SCP2: variants seen among roughly 807,000 people sequenced by gnomAD.
SCP2 encodes the protein SCP-2/3-oxoacyl-CoA thiolase.
In SCP2, 48 loss-of-function variants were observed where a neutral mutation model predicts 71.4. The ratio of observed to expected loss-of-function variants is 0.67; its 90% confidence interval spans 0.53 to 0.86. SCP2 has a LOEUF of 0.86. Among genes scored for constraint, SCP2 ranks in the 40% least tolerant of loss-of-function variants. The probability of loss-of-function intolerance (pLI) is 0.00; values close to 1 mark genes in which losing one functional copy is unlikely to be tolerated. For synonymous variants in SCP2, 220 were observed against 218.1 expected, an observed-to-expected ratio of 1.01 and a Z score of -0.08; for missense variants, 560 against 655.6, an observed-to-expected ratio of 0.85 and a Z score of 1.59.
intron 11 of SCP2, among the ~76,000 whole-genome samples, chr1:53,001,196 T>C (rs182527250): frequency 8.5e-5 from 13 of 152,152 alleles, no homozygotes; most frequent in Non-Finnish European, 1.8e-4. Context: ...ACACAAATAC[T>C]TATATATTTA....
rs1402600510 is a variant in SCP2 at position 53,014,921 on chromosome 1, G to C, written c.1113G>C (p.Gln371His). ...CTCAGTGTGCAGAACTCTGCTGGCA[G>C]CTGAGAGGGGAAGCCGGAAAGAGGC... is the stretch of plus-strand genomic sequence containing the variant. ...GLAQCAELCWQLRGEAGKRQV... is the reference protein window; with the variant it reads ...GLAQCAELCWHLRGEAGKRQV... Residue 371 changes from glutamine to histidine, a missense_variant, in exon 12 of 16, where the codon CAG becomes CAC. This residue lies in a region of SCP2 where 513 missense variants were observed against 573.1 expected (regional missense o/e 0.90). Coordinates refer to ENST00000371514, the MANE Select transcript of SCP2 (RefSeq NM_002979.5). The C allele has an allele frequency of 2.5e-6, 4 of 1,613,482 alleles. No individual in the cohort carries two copies. The highest frequency in any genetic ancestry group is 3.4e-6 in the Non-Finnish European group (4 of 1,179,938).
intron 2 of SCP2, 90 bp from the exon 3 acceptor site, chr1:52,947,919 G>A (rs1260924068): frequency 9.4e-6 from 8 of 847,660 alleles, no homozygotes; most frequent in Non-Finnish European, 1.6e-5. Flanking sequence ...TATAGAGGTA[G>A]TTTACTTTGA....
At chr1:53,010,873 C>T (rs181197337) in intron 11 of SCP2, among the ~76,000 whole-genome samples, 1 of 152,264 alleles carries the variant, frequency 6.6e-6, no homozygotes, top group South Asian at 2.1e-4. Context: ...CTAACTCCAC[C>T]ATCTCTCCCA....
In SCP2 at chr1:52,927,445, G is replaced by A; in HGVS notation, c.49G>A (p.Val17Met). Residue 17 changes from valine (V) to methionine (M), a missense_variant, in exon 1 of 16, where the codon GTG becomes ATG. This residue lies in a region of SCP2 where 513 missense variants were observed against 573.1 expected (regional missense o/e 0.90). Transcript: ENST00000371514. ...EPATLRRVFV[V>M]GVGMTKFVKP... is the part of the protein sequence containing the mutation. ...TGCGACCCTGCGCCGGGTGTTCGTG[G>A]TGGGGGTTGGCATGACCAAGGTAAA... is the stretch of plus-strand genomic sequence containing the variant. 1 of 1,602,336 alleles carries A rather than the reference G, an allele frequency of 6.2e-7. No individual in the cohort carries two copies. Among genetic ancestry groups the A allele is most frequent in the African/African-American group, 1.3e-5 (1 of 74,966 alleles).
intron 12 of SCP2, among the ~76,000 whole-genome samples, chr1:53,020,768 T>A (rs890251736): frequency 6.6e-6 from 1 of 152,182 alleles, no homozygotes; most frequent in African/African-American, 2.4e-5. Flanking sequence ...GTTTCTTTGT[T>A]TGTCTTCCAA....
rs1321534449 is a variant in SCP2, at chr1:52,927,355, AGTC to A, written c.-38_-36del. The A allele has an allele frequency of 6.6e-7, 1 of 1,507,206 alleles. No individual in the cohort carries two copies. Among genetic ancestry groups the A allele is most frequent in the Non-Finnish European group, 9.0e-7 (1 of 1,106,822 alleles). The allele number at this position is 1,507,206 out of a possible 1,614,324, so 93.4% of individuals were successfully genotyped here. ...GCAGTCTCCGCCTGTCAGTGCCGGC[AGTC>A]GTCCGCGGCGCCCGCCCCGGTCCCG... On this transcript the variant is annotated 5_prime_UTR_variant, in exon 1 of 16. Coordinates refer to ENST00000371514, the MANE Select transcript of SCP2 (RefSeq NM_002979.5).
intron 5 of SCP2, among the ~76,000 whole-genome samples, chr1:52,956,296 C>A (rs1282776063): frequency 1.3e-5 from 2 of 151,926 alleles, no homozygotes; most frequent in African/African-American, 4.8e-5. Context: ...GAGTGAGACT[C>A]CGTTTCAAAA....
chr1:52,980,722 G>A (rs1033441923), intron 10 of SCP2, among the ~76,000 whole-genome samples, 179 bp downstream of exon 10: 5 of 152,218 alleles, frequency 3.3e-5, no homozygotes. Context: ...GTATTAGGCA[G>A]TACCAACACT....
chr1:53,002,715 G>A (rs1007756885), intron 11 of SCP2, among the ~76,000 whole-genome samples: 43 of 152,272 alleles, frequency 2.8e-4, no homozygotes, highest in African/African-American at 1.0e-3. Context: ...CTAATGACAC[G>A]TATATTATTA....
intron 13 of SCP2, among the ~76,000 whole-genome samples, chr1:53,033,986 G>A (rs1662740539): frequency 6.6e-6 from 1 of 152,088 alleles, no homozygotes; most frequent in African/African-American, 2.4e-5. Context: ...GAAGGAGGCC[G>A]GGCATGGTGG....
intron 11 of SCP2, among the ~76,000 whole-genome samples, chr1:52,997,467 T>A (rs1557597299): frequency 6.6e-6 from 1 of 152,222 alleles, no homozygotes; most frequent in Non-Finnish European, 1.5e-5. Flanking sequence ...TGTGGTATAT[T>A]TATACTATGG....
chr1:53,050,685 C>T lies in SCP2; in HGVS notation c.1625C>T (p.Pro542Leu). 1 of 1,612,544 alleles carries T rather than the reference C, an allele frequency of 6.2e-7. No homozygotes were observed. Among genetic ancestry groups the T allele is most frequent in the Non-Finnish European group, 8.5e-7 (1 of 1,178,662 alleles). Reference protein sequence around the residue: ...AMKLQNLQLQPGNAKL With the variant: ...AMKLQNLQLQLGNAKL ...AAGTTACAAAATCTTCAGCTTCAGCCAGGCAACGCTAAGCTCTGAAGAACT... is the reference window on the plus strand; with the variant it reads ...AAGTTACAAAATCTTCAGCTTCAGCTAGGCAACGCTAAGCTCTGAAGAACT... The change falls in exon 16 of 16, where the codon CCA becomes CTA. Residue 542 changes from proline to leucine, a missense_variant. Physicochemically the swap from Pro to Leu is moderately conservative, Grantham distance 98. Coordinates refer to ENST00000371514, the MANE Select transcript of SCP2 (RefSeq NM_002979.5).
At chr1:52,961,868 A>C (rs879855070) in intron 6 of SCP2, among the ~76,000 whole-genome samples, 1 of 152,172 alleles carries the variant, frequency 6.6e-6, no homozygotes, top group Non-Finnish European at 1.5e-5. Context: ...AAATAGGAAA[A>C]ATAACACAAA....
At chr1:52,943,656 G>T in intron 2 of SCP2, 1 of 433,182 alleles carries the variant, frequency 2.3e-6, no homozygotes, top group Admixed American at 2.6e-5. Context: ...CTTACTTCTT[G>T]CAAAGCACCA....
At chr1:52,960,562 G>GTATGTATATATATGTATATATGTATGTA (rs1557562094) in intron 5 of SCP2, among the ~76,000 whole-genome samples, 79 of 142,984 alleles carry the variant, frequency 5.5e-4, no homozygotes, top group African/African-American at 2.1e-3. Context: ...GTGTATATAT[G>GTATGTATATATATGTATATATGTATGTA]TATGTATATA....
At chr1:52,951,555 TA>T (rs563183018) in intron 4 of SCP2, among the ~76,000 whole-genome samples, 3,297 of 72,578 alleles carry the variant, frequency 0.045, 79 homozygotes, top group African/African-American at 0.11. Flanking sequence ...AGACTGTCTC[TA>T]AAAAAAAAAA....
chr1:52,990,793 A>T (rs566538127), intron 11 of SCP2, among the ~76,000 whole-genome samples: 1 of 152,040 alleles, frequency 6.6e-6, no homozygotes, highest in East Asian at 1.9e-4. Flanking sequence ...AGAACCATTT[A>T]AGAATAATGA....
At chr1:53,003,650 G>A (rs1257504802) in intron 11 of SCP2, among the ~76,000 whole-genome samples, 1 of 152,154 alleles carries the variant, frequency 6.6e-6, no homozygotes, top group African/African-American at 2.4e-5. Flanking sequence ...CTCCCAAGTA[G>A]CTGGGACCAC....
In SCP2 at chr1:52,991,779, T is replaced by A. The variant is rs562088451; in HGVS notation, c.1081+3643T>A. On this transcript the variant is annotated intron_variant, in intron 11 of 15. Coordinates refer to ENST00000371514, the MANE Select transcript of SCP2 (RefSeq NM_002979.5). Reference sequence around the variant, plus strand: ...AGAATGTTCTTTAATTTGGTTTTTTTTTTTGTGATAACAGATCAATTTTAA... The same window carrying A: ...AGAATGTTCTTTAATTTGGTTTTTTATTTTGTGATAACAGATCAATTTTAA... Among the ~76,000 whole-genome samples the A allele has an allele frequency of 1.3e-4, 20 of 152,324 alleles. No individual in the cohort carries two copies. In the South Asian group the frequency reaches 2.3e-3, roughly 17 times the overall value.
Sources: gnomAD v4.1 joint callset for allele counts (sites outside exome capture counted in the v4.1 genomes callset) on GRCh38, gnomAD v4.1.1 for gene constraint, gnomAD v4.1.1 regional missense constraint, MANE v1.5 for transcripts, NCBI Gene and HGNC (gene_info 2026-07-23, HGNC 2026-07-21) for gene names.